BST1: variants seen among roughly 807,000 people sequenced by gnomAD.
BST1 encodes bone marrow stromal cell antigen 1.
A neutral mutation model predicts 40.6 loss-of-function variants in BST1; 49 were observed. That is an observed-to-expected ratio of 1.21 (90% CI 0.96 to 1.53). The LOEUF (loss-of-function observed/expected upper bound fraction) is 1.53, where lower values mean the gene tolerates loss of function less well. Among genes scored for constraint, BST1 ranks in the 40% most tolerant of loss-of-function variants. The pLI is 0.00. For synonymous variants in BST1, 157 were observed against 159.3 expected, an observed-to-expected ratio of 0.99 and a Z score of 0.11; for missense variants, 423 against 395.9, an observed-to-expected ratio of 1.07 and a Z score of -0.58.
At chr4:15,759,876 G>T in the BST1 span, among the ~76,000 whole-genome samples, 2 of 151,970 alleles carry the variant, frequency 1.3e-5, no homozygotes. Flanking sequence ...AGGAAAAATG[G>T]AAGGGAGTTA....
At chr4:15,757,661 G>T in the BST1 span, among the ~76,000 whole-genome samples, 435 of 151,490 alleles carry the variant, frequency 2.9e-3, 3 homozygotes, top group African/African-American at 0.01. Flanking sequence ...TTTATTTAGA[G>T]AAAGAGTTTT....
At chr4:15,709,851 TAA>T (rs981487573) in intron 3 of BST1, among the ~76,000 whole-genome samples, 1 of 151,920 alleles carries the variant, frequency 6.6e-6, no homozygotes, top group Non-Finnish European at 1.5e-5. Context: ...GCTATTCAAA[TAA>T]AAACACATAT....
At chr4:15,750,319 CT>C in the BST1 span, among the ~76,000 whole-genome samples, 1 of 152,162 alleles carries the variant, frequency 6.6e-6, no homozygotes, top group African/African-American at 2.4e-5. Flanking sequence ...GCCACTGTGC[CT>C]GGCATGGTTT....
the BST1 span, among the ~76,000 whole-genome samples, chr4:15,757,503 A>G: frequency 4.0e-3 from 604 of 150,098 alleles, 8 homozygotes; most frequent in African/African-American, 0.014. Flanking sequence ...GCACACCCCC[A>G]CCCCGCCCCG....
chr4:15,763,252 C>A, the BST1 span, among the ~76,000 whole-genome samples: 1 of 151,460 alleles, frequency 6.6e-6, no homozygotes, highest in Non-Finnish European at 1.5e-5. Context: ...AATATTTATC[C>A]ATGTATGTAT....
At chr4:15,759,367 G>A in the BST1 span, among the ~76,000 whole-genome samples, 1 of 151,784 alleles carries the variant, frequency 6.6e-6, no homozygotes, top group South Asian at 2.1e-4. Context: ...TGTAAAGCAG[G>A]TATAGTAAGA....
At chr4:15,766,016 G>A in the BST1 span, among the ~76,000 whole-genome samples, 1 of 151,938 alleles carries the variant, frequency 6.6e-6, no homozygotes, top group Non-Finnish European at 1.5e-5. Flanking sequence ...TGAATAAGGG[G>A]ATGGAAGTCA....
chr4:15,748,598 T>C, the BST1 span, among the ~76,000 whole-genome samples: 3 of 152,220 alleles, frequency 2.0e-5, no homozygotes, highest in Admixed American at 6.5e-5. Flanking sequence ...GTTTCTTGAT[T>C]ATTCTGCTGT....
At chr4:15,769,554 T>C in the BST1 span, among the ~76,000 whole-genome samples, 1 of 151,948 alleles carries the variant, frequency 6.6e-6, no homozygotes, top group Non-Finnish European at 1.5e-5. Context: ...AAAGAGCTAG[T>C]GGGGGTGGAG....
At chr4:15,763,535 C>T in the BST1 span, among the ~76,000 whole-genome samples, 15 of 151,874 alleles carry the variant, frequency 9.9e-5, no homozygotes, top group South Asian at 4.1e-4. Flanking sequence ...TTACTTTTTA[C>T]GAAGGAATGT....
At chr4:15,739,183 A>G (rs550036043), downstream of BST1, among the ~76,000 whole-genome samples, 5 of 152,360 alleles carry the variant, frequency 3.3e-5, no homozygotes, top group Admixed American at 2.0e-4. Flanking sequence ...CAAGGGTTTC[A>G]AACACCCACA....
At chr4:15,746,777 C>G in the BST1 span, among the ~76,000 whole-genome samples, 1 of 152,170 alleles carries the variant, frequency 6.6e-6, no homozygotes, top group Non-Finnish European at 1.5e-5. Context: ...GGCTCTTACT[C>G]CACAGGTCAA....
chr4:15,741,595 T>C (rs1443606108), downstream of BST1, among the ~76,000 whole-genome samples: 1 of 152,180 alleles, frequency 6.6e-6, no homozygotes, highest in Non-Finnish European at 1.5e-5. Flanking sequence ...ATTCTGGCTT[T>C]TGTACAACCC....
intron 4 of BST1, among the ~76,000 whole-genome samples, chr4:15,713,921 C>T (rs1164343919): frequency 1.3e-5 from 2 of 152,166 alleles, no homozygotes; most frequent in African/African-American, 2.4e-5. Context: ...CCAGACTGGT[C>T]GCAAACTCCT....
chr4:15,733,998 T>C (rs1721475145), downstream of BST1, among the ~76,000 whole-genome samples: 5 of 152,372 alleles, frequency 3.3e-5, no homozygotes, highest in South Asian at 1.0e-3. Flanking sequence ...CTGGTAAATC[T>C]ACACCATGGA....
chr4:15,770,649 G>A, the BST1 span, among the ~76,000 whole-genome samples: 3 of 152,086 alleles, frequency 2.0e-5, no homozygotes, highest in Non-Finnish European at 2.9e-5. Context: ...GCGGTGAGCC[G>A]AGATTGCATC....
downstream of BST1, among the ~76,000 whole-genome samples, chr4:15,736,930 T>G (rs1180777739): frequency 6.6e-6 from 1 of 152,014 alleles, no homozygotes; most frequent in Non-Finnish European, 1.5e-5. Context: ...AACCTTGGGT[T>G]TGGGGAATCA....
rs1263970637 is a variant in BST1 at position 15,703,188 on chromosome 4, T to G, written c.44T>G (p.Leu15Arg). The G allele has an allele frequency of 6.4e-7, 1 of 1,559,314 alleles. No individual in the cohort carries two copies. The highest frequency in any genetic ancestry group is 8.7e-7 in the Non-Finnish European group (1 of 1,153,264). Reference sequence around the variant, plus strand: ...GCGGCATCGCGGCTGCTCCAGCTGCTGCTGCAGCTTCTGCTTCTACTGTTG... The same window carrying G: ...GCGGCATCGCGGCTGCTCCAGCTGCGGCTGCAGCTTCTGCTTCTACTGTTG... Reference protein sequence around the residue: ...GCAASRLLQLLLQLLLLLLLL... With the variant: ...GCAASRLLQLRLQLLLLLLLL... The change falls in exon 1 of 9, where the codon CTG (leucine) becomes CGG (arginine). Residue 15 changes from leucine (L) to arginine (R), a missense_variant. Leu to Arg is a moderately radical substitution (Grantham distance 102). Coordinates refer to ENST00000265016, the MANE Select transcript of BST1 (RefSeq NM_004334.3).
At chr4:15,741,720 A>G (rs553982986), downstream of BST1, among the ~76,000 whole-genome samples, 18 of 152,336 alleles carry the variant, frequency 1.2e-4, no homozygotes, top group South Asian at 1.4e-3. Context: ...ATAAAGTTTT[A>G]CTGGAACTCA....
Sources: allele counts gnomAD v4.1 joint callset (sites outside exome capture counted in the v4.1 genomes callset), GRCh38; gene constraint gnomAD v4.1.1; transcripts MANE v1.5; gene names NCBI Gene and HGNC (gene_info 2026-07-23, HGNC 2026-07-21).